The following BTBD2 variants were observed in gnomAD, a reference collection of about 807,000 sequenced individuals.
BTBD2 encodes the protein BTB domain containing 2, also known as BTB/POZ domain-containing protein 2.
BTBD2 carries 15 observed loss-of-function variants against 44.0 expected under a neutral mutation model. The observed-to-expected ratio is 0.34, with a 90% CI of 0.23 to 0.53. BTBD2 has a LOEUF of 0.53. BTBD2 is among the 20% of genes least tolerant of loss of function. The pLI, the probability that BTBD2 is intolerant of heterozygous loss-of-function variation, is 0.95. For synonymous variants in BTBD2, 443 were observed against 335.9 expected, an observed-to-expected ratio of 1.32 and a Z score of -3.49; for missense variants, 657 against 746.4, an observed-to-expected ratio of 0.88 and a Z score of 1.39.
At chr19:1,992,654 C>T (rs749869170) in intron 3 of BTBD2, among the ~76,000 whole-genome samples, 9 of 152,164 alleles carry the variant, frequency 5.9e-5, no homozygotes, top group Non-Finnish European at 1.0e-4. Context: ...TCACTGCAAC[C>T]TCCACCTCCC....
chr19:1,988,903 C>T (rs958257872), intron 5 of BTBD2, among the ~76,000 whole-genome samples: 1 of 151,792 alleles, frequency 6.6e-6, no homozygotes, highest in African/African-American at 2.4e-5. Context: ...CCCAGCCTGG[C>T]CAACAATTGT....
chr19:2,015,329 C>T lies in BTBD2; in HGVS notation c.375G>A (p.Lys125=), dbSNP rs1333604308. Residue 125 remains lysine (K), a synonymous_variant, in exon 1 of 9, where the codon AAG becomes AAA. Transcript: ENST00000255608. ...VLCDVHFLVG[K]GLSSQRIPAH... ...CGGGGATGCGCTGCGAGCTGAGCCC[C>T]TTGCCCACCAGGAAGTGCACGTCGC... The T allele has an allele frequency of 6.3e-7, 1 of 1,579,084 alleles. No homozygotes were observed. Among genetic ancestry groups the T allele is most frequent in the African/African-American group, 1.4e-5 (1 of 73,980 alleles).
Position 1,986,477 on chromosome 19 carries a change from T to C in BTBD2, c.*11A>G. On this transcript the variant is annotated 3_prime_UTR_variant, in exon 9 of 9. Coordinates refer to ENST00000255608, the MANE Select transcript of BTBD2 (RefSeq NM_017797.4). ...CCCCACGGAGGGAGGGCGGTGTCGG[T>C]GTCGGGCAGCCTAGGTGTAGAAGAT... The C allele has an allele frequency of 6.2e-7, 1 of 1,611,492 alleles. No individual in the cohort carries two copies. Among genetic ancestry groups the C allele is most frequent in the Non-Finnish European group, 8.5e-7 (1 of 1,178,126 alleles).
intron 1 of BTBD2, chr19:2,003,561 G>A (rs955519448): frequency 6.6e-6 from 1 of 152,128 alleles, no homozygotes; most frequent in East Asian, 1.9e-4. Flanking sequence ...ATGAGGTTGG[G>A]AGTTCAAGAC....
intron 1 of BTBD2, among the ~76,000 whole-genome samples, chr19:2,004,681 G>C (rs2016372357): frequency 6.7e-6 from 1 of 149,474 alleles, no homozygotes; most frequent in South Asian, 2.2e-4. Context: ...TACCCCCTGA[G>C]TCGAAAATAA....
At chr19:1,990,923 G>T in intron 3 of BTBD2, 101 bp from the exon 4 acceptor site, 1 of 1,099,320 alleles carries the variant, frequency 9.1e-7, no homozygotes, top group Non-Finnish European at 1.3e-6. Flanking sequence ...CTGACCACAC[G>T]GGCCTTCCTG....
chr19:2,008,526 G>C (rs1684024706), intron 1 of BTBD2, among the ~76,000 whole-genome samples: 1 of 151,534 alleles, frequency 6.6e-6, no homozygotes, highest in African/African-American at 2.4e-5. Flanking sequence ...CCTGACCTCA[G>C]GTGATCTGCC....
At chr19:1,998,863 C>T (rs1251070540) in intron 1 of BTBD2, among the ~76,000 whole-genome samples, 5 of 152,114 alleles carry the variant, frequency 3.3e-5, no homozygotes, top group African/African-American at 7.2e-5. Flanking sequence ...GGCCTGCGCG[C>T]GGCGGAGCAC....
Position 2,010,555 on chromosome 19 carries a change from A to T in BTBD2, c.407+4742T>A, listed in dbSNP as rs1459405143. ...CAAGCCCAGGCCACTTGCTCTCCTC[A>T]CAGCTGGCAAGGCCCGGCCCCTCTC... On this transcript the variant is annotated intron_variant, in intron 1 of 8. Coordinates refer to ENST00000255608, the MANE Select transcript of BTBD2 (RefSeq NM_017797.4). Among the ~76,000 whole-genome samples the T allele has an allele frequency of 4.0e-5, 6 of 151,530 alleles. No homozygotes were observed. The South Asian group carries it at 6.3e-4, about 16-fold the overall frequency.
At chr19:1,988,844 T>G (rs529760524) in intron 5 of BTBD2, among the ~76,000 whole-genome samples, 1 of 152,250 alleles carries the variant, frequency 6.6e-6, no homozygotes, top group East Asian at 1.9e-4. Flanking sequence ...CTCAAGTGAT[T>G]CCCCCCATCT....
At chr19:1,994,263 C>T (rs184494451) in intron 2 of BTBD2, among the ~76,000 whole-genome samples, 1 of 151,660 alleles carries the variant, frequency 6.6e-6, no homozygotes, top group East Asian at 1.9e-4. Context: ...TTGCAGTGAG[C>T]CAAGATCGTA....
chr19:2,007,933 T>C (rs114479741), intron 1 of BTBD2, among the ~76,000 whole-genome samples: 3,280 of 152,132 alleles, frequency 0.022, 119 homozygotes, highest in African/African-American at 0.075. Flanking sequence ...TGAGTATCTG[T>C]AGGGTGGACA....
intron 1 of BTBD2, among the ~76,000 whole-genome samples, chr19:2,005,612 T>G (rs1273085544): frequency 1.3e-5 from 2 of 151,426 alleles, no homozygotes; most frequent in Non-Finnish European, 2.9e-5. Context: ...TGAAACGCCA[T>G]CTCTCCTAAA....
At chr19:1,995,299 TGA>T (rs1411644935) in intron 2 of BTBD2, among the ~76,000 whole-genome samples, 1 of 118,878 alleles carries the variant, frequency 8.4e-6, no homozygotes, top group Non-Finnish European at 1.7e-5. Context: ...TTTTTTTTTT[TGA>T]GAGGGAGTCT....
In BTBD2 at chr19:1,986,857, G is replaced by A; in HGVS notation, c.1389C>T (p.Val463=). 1.2e-6 allele frequency: 2 copies of A among 1,611,584 alleles called. No homozygotes were observed. The highest frequency in any genetic ancestry group is 1.3e-5 in the African/African-American group (1 of 75,034). Residue 463 remains valine, a synonymous_variant, in exon 8 of 9, where the codon GTC becomes GTT. Transcript: ENST00000255608. ...FKEPVEVLPN[V]NYTACATLKG... is the part of the protein sequence containing the mutation. Reference sequence around the variant, plus strand: ...TGAGCGTGGCACAGGCCGTGTAGTTGACGTTGGGCAGCACCTCCACCGGCT... The same window carrying A: ...TGAGCGTGGCACAGGCCGTGTAGTTAACGTTGGGCAGCACCTCCACCGGCT...
intron 1 of BTBD2, among the ~76,000 whole-genome samples, chr19:2,004,338 G>A (rs2016367474): frequency 6.7e-6 from 1 of 149,734 alleles, no homozygotes; most frequent in African/African-American, 2.5e-5. Context: ...TGCCTAGGCT[G>A]GAGTGCAATG....
intron 1 of BTBD2, chr19:2,013,425 TG>T: frequency 1.2e-6 from 1 of 807,496 alleles, no homozygotes; most frequent in Non-Finnish European, 1.5e-6. Context: ...ACCCCGGAGC[TG>T]GGGGTCTCTG....
intron 2 of BTBD2, 89 bp from the exon 3 acceptor site, chr19:1,993,265 T>G: frequency 6.9e-7 from 1 of 1,458,070 alleles, no homozygotes; most frequent in Non-Finnish European, 9.1e-7. Context: ...ACCGTTAGAC[T>G]CGGCCACCGG....
intron 1 of BTBD2, among the ~76,000 whole-genome samples, chr19:2,006,900 C>T (rs1233556903): frequency 6.6e-6 from 1 of 152,092 alleles, no homozygotes; most frequent in African/African-American, 2.4e-5. Flanking sequence ...CTCTATCGCC[C>T]AGGCTGGAGT....
Sources: gnomAD v4.1 joint callset for allele counts (sites outside exome capture counted in the v4.1 genomes callset) on GRCh38, gnomAD v4.1.1 for gene constraint, MANE v1.5 for transcripts, NCBI Gene and HGNC (gene_info 2026-07-23, HGNC 2026-07-21) for gene names.